DNAL1: variants seen among roughly 807,000 people sequenced by gnomAD.
DNAL1 encodes dynein axonemal light chain 1.
DNAL1 carries 17 observed loss-of-function variants against 29.4 expected under a neutral mutation model. The observed-to-expected ratio is 0.58, with a 90% CI of 0.40 to 0.87. The LOEUF (loss-of-function observed/expected upper bound fraction) is 0.87. Ranked by LOEUF, DNAL1 falls within the 40% of genes least tolerant of loss-of-function variation. The pLI is 0.00. For synonymous variants in DNAL1, 78 were observed against 76.3 expected (o/e 1.02, Z -0.12); for missense variants, 188 against 214.1 (o/e 0.88, Z 0.76).
chr14:73,666,847 A>G (rs1422879419), intron 4 of DNAL1, among the ~76,000 whole-genome samples: 2 of 152,188 alleles, frequency 1.3e-5, no homozygotes, highest in African/African-American at 4.8e-5. Flanking sequence ...ATTTGGCTTT[A>G]GGATACTGTC....
intron 1 of DNAL1, among the ~76,000 whole-genome samples, chr14:73,649,487 A>T (rs112386800): frequency 0.28 from 39,885 of 144,420 alleles, 5,787 homozygotes; most frequent in Non-Finnish European, 0.33. Context: ...TTTCACCATG[A>T]TAGCCAGGAT....
intron 2 of DNAL1, among the ~76,000 whole-genome samples, chr14:73,657,420 G>A (rs1176594527): frequency 6.6e-6 from 1 of 151,936 alleles, no homozygotes; most frequent in African/African-American, 2.4e-5. Flanking sequence ...GGCTCAAGCA[G>A]TCCTCCTGCT....
At chr14:73,679,203 G>A (rs1891816899) in intron 5 of DNAL1, among the ~76,000 whole-genome samples, 1 of 151,952 alleles carries the variant, frequency 6.6e-6, no homozygotes. Flanking sequence ...CACCATATTG[G>A]CCGTGCTGGT....
chr14:73,646,684 C>G (rs1046338229), intron 1 of DNAL1, among the ~76,000 whole-genome samples: 1 of 152,132 alleles, frequency 6.6e-6, no homozygotes, highest in African/African-American at 2.4e-5. Context: ...ATCTCTTGAA[C>G]CTGGGAGGTG....
rs1334628634 is a variant in DNAL1, at chr14:73,701,248, T to G, written c.*5306T>G. 1 of 152,214 alleles carries G rather than the reference T, an allele frequency of 6.6e-6. No individual in the cohort carries two copies. Among genetic ancestry groups the G allele is most frequent in the Non-Finnish European group, 1.5e-5 (1 of 68,048 alleles). 9.4% of individuals were successfully genotyped at this position (152,214 alleles called of 1,614,324 possible). ...GATAGTAAACTATTTTTCAGTAGAT[T>G]TGCACTTTAAACTTAGGAACTGGAT... On this transcript the variant is annotated 3_prime_UTR_variant, in exon 8 of 8. Coordinates refer to ENST00000553645, the MANE Select transcript of DNAL1 (RefSeq NM_031427.4).
intron 7 of DNAL1, among the ~76,000 whole-genome samples, chr14:73,692,071 C>T (rs1483640528): frequency 6.6e-6 from 1 of 150,412 alleles, no homozygotes; most frequent in African/African-American, 2.4e-5. Context: ...CATCTCAACT[C>T]ACTGCAAGCT....
At chr14:73,675,340 GA>G (rs1891706740) in intron 5 of DNAL1, among the ~76,000 whole-genome samples, 1 of 150,842 alleles carries the variant, frequency 6.6e-6, no homozygotes, top group African/African-American at 2.4e-5. Context: ...TGTAATCTCG[GA>G]CTAGTATAGT....
At chr14:73,647,677 C>G (rs1241625737) in intron 1 of DNAL1, among the ~76,000 whole-genome samples, 1 of 152,168 alleles carries the variant, frequency 6.6e-6, no homozygotes, top group Non-Finnish European at 1.5e-5. Flanking sequence ...TCCATGAGGA[C>G]CTTCAGGCAT....
At chr14:73,668,736 G>A (rs1891545026) in intron 4 of DNAL1, among the ~76,000 whole-genome samples, 1 of 152,110 alleles carries the variant, frequency 6.6e-6, no homozygotes. Context: ...GGGTGCAATG[G>A]CACGATCTTG....
rs1197705353 is a variant in DNAL1, at chr14:73,702,993, C to A, written c.*7051C>A. Reference sequence around the variant, plus strand: ...AAATTAGTTGGGCATGGCAATGCCGCCTGTGGTCCTAGCTACTGGGGAGGC... The same window carrying A: ...AAATTAGTTGGGCATGGCAATGCCGACTGTGGTCCTAGCTACTGGGGAGGC... On this transcript the variant is annotated 3_prime_UTR_variant, in exon 8 of 8. Coordinates refer to ENST00000553645, the MANE Select transcript of DNAL1 (RefSeq NM_031427.4). 1 of 151,944 alleles carries A rather than the reference C, an allele frequency of 6.6e-6. No individual in the cohort carries two copies. Among genetic ancestry groups the A allele is most frequent in the East Asian group, 1.9e-4 (1 of 5,182 alleles). 9.4% of individuals were successfully genotyped at this position (151,944 alleles called of 1,614,324 possible).
chr14:73,676,448 ATG>A (rs55813332), intron 5 of DNAL1, among the ~76,000 whole-genome samples: 44,404 of 151,648 alleles, frequency 0.29, 6,737 homozygotes, highest in Middle Eastern at 0.42. Flanking sequence ...CTCTGTGTAT[ATG>A]TGTGTGTGTG....
chr14:73,666,369 T>C (rs1891478085), intron 4 of DNAL1, among the ~76,000 whole-genome samples: 1 of 152,170 alleles, frequency 6.6e-6, no homozygotes, highest in South Asian at 2.1e-4. Context: ...AATAATAATC[T>C]TAAAGATTAG....
intron 5 of DNAL1, among the ~76,000 whole-genome samples, chr14:73,679,238 C>A (rs1262136787): frequency 1.3e-5 from 2 of 152,184 alleles, no homozygotes; most frequent in African/African-American, 2.4e-5. Flanking sequence ...TTGTGATCCG[C>A]CTGCCTCACC....
intron 5 of DNAL1, among the ~76,000 whole-genome samples, chr14:73,684,014 A>C (rs1156299606): frequency 6.6e-6 from 1 of 152,112 alleles, no homozygotes; most frequent in Admixed American, 6.6e-5. Flanking sequence ...GCCGAGATCA[A>C]CTTTTTTAGA....
At chr14:73,660,765 A>C (rs1381195609) in intron 3 of DNAL1, among the ~76,000 whole-genome samples, 1 of 152,206 alleles carries the variant, frequency 6.6e-6, no homozygotes, top group Non-Finnish European at 1.5e-5. Context: ...CAAAGTGGTC[A>C]CATATCTTTT....
At chr14:73,649,145 TCA>T (rs1186414134) in intron 1 of DNAL1, among the ~76,000 whole-genome samples, 1 of 151,806 alleles carries the variant, frequency 6.6e-6, no homozygotes. Flanking sequence ...TGGCTAATTT[TCA>T]TATTTTTAGT....
In DNAL1 at chr14:73,695,296, G is replaced by A. The variant is rs568013465; in HGVS notation, c.533-606G>A. ...TGGTCTCCAACTCCTAGGCTTAAGC[G>A]CTTCTCTCATCTGGCCTCCCAAAGT... On this transcript the variant is annotated intron_variant, in intron 7 of 7. Coordinates refer to ENST00000553645, the MANE Select transcript of DNAL1 (RefSeq NM_031427.4). Among the ~76,000 whole-genome samples the A allele has an allele frequency of 6.0e-5, 9 of 151,170 alleles. 1 individual carries two copies. Among genetic ancestry groups the A allele is most frequent in the East Asian group, 3.9e-4 (2 of 5,124 alleles).
At position 73,703,157 on chromosome 14, in the gene DNAL1, A is replaced by C. The variant is rs1892477617; in HGVS notation, c.*7215A>C. 1.3e-5 allele frequency: 2 copies of C among 152,184 alleles called. No individual in the cohort carries two copies. Among genetic ancestry groups the C allele is most frequent in the Non-Finnish European group, 2.9e-5 (2 of 68,032 alleles). The allele number at this position is 152,184 out of a possible 1,614,324, so 9.4% of individuals were successfully genotyped here. A position where few individuals can be genotyped will look rare whatever the true frequency, so the allele number is the denominator to read the frequency against. On this transcript the variant is annotated 3_prime_UTR_variant, in exon 8 of 8. Coordinates refer to ENST00000553645, the MANE Select transcript of DNAL1 (RefSeq NM_031427.4). ...TCTGAGTTTATACAAAGAAAGCCTT[A>C]ATTCAGATCATAAATATCCCATTGT...
chr14:73,671,088 G>T (rs1891606768), intron 4 of DNAL1, among the ~76,000 whole-genome samples: 1 of 152,048 alleles, frequency 6.6e-6, no homozygotes, highest in African/African-American at 2.4e-5. Flanking sequence ...AAACTTGAAA[G>T]AAAATGATTT....
Sources: gnomAD v4.1 joint callset for allele counts (sites outside exome capture counted in the v4.1 genomes callset) on GRCh38, gnomAD v4.1.1 for gene constraint, MANE v1.5 for transcripts, NCBI Gene and HGNC (gene_info 2026-07-23, HGNC 2026-07-21) for gene names.